The following POLE variants were observed in gnomAD, a reference collection of about 807,000 sequenced individuals.
The protein encoded by POLE is DNA polymerase epsilon catalytic subunit A.
In POLE, 188 loss-of-function variants were observed where a neutral mutation model predicts 279.2. The ratio of observed to expected loss-of-function variants is 0.67; its 90% confidence interval spans 0.60 to 0.76. The LOEUF is 0.76. POLE is among the 30% of genes least tolerant of loss of function. The probability of loss-of-function intolerance (pLI) is 0.00; values close to 1 mark genes in which losing one functional copy is unlikely to be tolerated. For synonymous variants in POLE, 1,214 were observed against 1,172.5 expected, an observed-to-expected ratio of 1.04 and a Z score of -0.72; for missense variants, 2,703 against 3,016.7, an observed-to-expected ratio of 0.90 and a Z score of 2.44.
rs1168899671 is a variant in POLE at position 132,657,162 on chromosome 12, G to A, written c.3556C>T (p.Leu1186Phe). Residue 1186 changes from leucine to phenylalanine, a missense_variant, in exon 29 of 49, where the codon CTC becomes TTC. Leu to Phe is a conservative substitution (Grantham distance 22, BLOSUM62 0). Transcript: ENST00000320574. The part of the protein sequence containing the change: ...DVYKQKKISE[L>F]FTLEGRRQVT... ...TGTCTCCTGCCCTCCAGGGTGAAGA[G>A]CTCACTGATCTTCTTCTGCTTGTAG... The A allele has an allele frequency of 1.2e-6, 2 of 1,614,012 alleles. No individual in the cohort carries two copies. The highest frequency in any genetic ancestry group is 1.7e-6 in the Non-Finnish European group (2 of 1,179,994).
At chr12:132,660,456 T>G (rs528488662) in intron 25 of POLE, 1 of 152,496 alleles carries the variant, frequency 6.6e-6, no homozygotes, top group South Asian at 2.1e-4. Flanking sequence ...GGGAAACATA[T>G]GCACCGAGAT....
At position 132,642,683 on chromosome 12, in the gene POLE, T is replaced by C. The variant is rs115873219; in HGVS notation, c.4775A>G (p.Glu1592Gly). The change falls in exon 37 of 49, where the codon GAG (glutamate) becomes GGG (glycine). Residue 1592 changes from glutamate (E) to glycine (G), a missense_variant. Coordinates refer to ENST00000320574, the MANE Select transcript of POLE (RefSeq NM_006231.4). Reference protein sequence around the residue: ...PTLIAVQSSWELKRLASEIPV... With the variant: ...PTLIAVQSSWGLKRLASEIPV... ...AATTTCACTGGCCAGCCTCTTCAGC[T>C]CCCAGCTGGACTGAACAGCGATGAG... The C allele has an allele frequency of 5.0e-6, 8 of 1,613,782 alleles. No homozygotes were observed. The highest frequency in any genetic ancestry group is 6.8e-6 in the Non-Finnish European group (8 of 1,180,022).
rs142508245 is a variant in POLE, at chr12:132,643,252, C to T, written c.4523G>A (p.Arg1508His). The change falls in exon 35 of 49, where the codon CGC becomes CAC. Residue 1508 changes from arginine (R) to histidine (H), a missense_variant. By Grantham distance (29) the Arg-to-His change is conservative (BLOSUM62 0). Transcript: ENST00000320574. ...ALFGIFIPSQ[R>H]RASVFVLDTV... The stretch of plus-strand genomic sequence containing the variant: ...GTCCAGCACAAAGACGGATGCCCTG[C>T]GCTGTGAGGGGATGAAGATCCCGAA... The T allele has an allele frequency of 1.8e-3, 2,874 of 1,613,782 alleles. 3 individuals are homozygous for T. The highest frequency in any genetic ancestry group is 2.2e-3 in the Non-Finnish European group (2,540 of 1,180,004).
rs191789904 is a variant in POLE, at chr12:132,680,329, G to A, written c.286-107C>T. 4 of 1,040,288 alleles carry A rather than the reference G, an allele frequency of 3.8e-6. No individual in the cohort carries two copies. The African/African-American group carries it at 6.3e-5, about 16-fold the overall frequency. 64.4% of individuals were successfully genotyped at this position (1,040,288 alleles called of 1,614,324 possible). ...TATCCCATGAACAGCCTAGGGCCAG[G>A]GTAGCCTTGACCTTGGTAGCATACA... is the stretch of plus-strand genomic sequence containing the variant. On this transcript the variant is annotated intron_variant, in intron 3 of 48. Transcript: ENST00000320574.
At position 132,668,635 on chromosome 12, in the gene POLE, T is replaced by C. The variant is rs1447713785; in HGVS notation, c.2026A>G (p.Met676Val). 1 of 1,609,396 alleles carries C rather than the reference T, an allele frequency of 6.2e-7. No homozygotes were observed. Among genetic ancestry groups the C allele is most frequent in the Non-Finnish European group, 8.5e-7 (1 of 1,176,250 alleles). ...GCCCACCCAGGCGGCCGACACTCACTGAACTCGCCCCTCCACTGCCAGGCC... is the reference window on the plus strand; with the variant it reads ...GCCCACCCAGGCGGCCGACACTCACCGAACTCGCCCCTCCACTGCCAGGCC... ...KMAWQWRGEFMPASRSEYHRI... is the reference protein window; with the variant it reads ...KMAWQWRGEFVPASRSEYHRI... The change falls in exon 18 of 49, where the codon ATG (methionine) becomes GTG (valine). Residue 676 changes from methionine (M) to valine (V), a missense_variant and splice_region_variant. Transcript: ENST00000320574. The surrounding 1 kb of genome is among the most constrained non-coding windows in gnomAD (Gnocchi z 4.0).
chr12:132,632,275 C>CA, intron 45 of POLE, 40 bp downstream of exon 45: 12 of 1,502,210 alleles, frequency 8.0e-6, no homozygotes, highest in Non-Finnish European at 1.1e-5. Flanking sequence ...TACACATGTA[C>CA]GTTAGTGTCC....
chr12:132,651,034 G>T (rs1421191851), intron 29 of POLE: 1 of 152,002 alleles, frequency 6.6e-6, no homozygotes, highest in Non-Finnish European at 1.5e-5. Flanking sequence ...ACCAAGCCCG[G>T]CTAATTTTTT....
At chr12:132,652,257 G>A (rs1055882692) in intron 29 of POLE, among the ~76,000 whole-genome samples, 17 of 148,744 alleles carry the variant, frequency 1.1e-4, no homozygotes, top group African/African-American at 4.0e-4. Context: ...CCTTAAAAAA[G>A]CCCTTCCCAC....
At chr12:132,678,853 T>C (rs1207715677) in intron 6 of POLE, among the ~76,000 whole-genome samples, 1 of 152,224 alleles carries the variant, frequency 6.6e-6, no homozygotes, top group Non-Finnish European at 1.5e-5. Context: ...GGCTCAAGTC[T>C]CTGAGGACTC....
chr12:132,659,773 A>C (rs1593773514), intron 25 of POLE: 7 of 392,016 alleles, frequency 1.8e-5, no homozygotes, highest in South Asian at 9.1e-5. Context: ...ACTCACTAAA[A>C]CCTCCCCTCC....
In POLE at chr12:132,679,477, C is replaced by T. The variant is rs1288344423; in HGVS notation, c.578+20G>A. The T allele has an allele frequency of 3.1e-6, 5 of 1,592,214 alleles. No individual in the cohort carries two copies. The highest frequency in any genetic ancestry group is 4.5e-5 in the East Asian group (2 of 44,272). The stretch of plus-strand genomic sequence containing the variant: ...GTCGTTCTGAACCGCTGATGCTTTG[C>T]TCACAAGACCAAAGTTTACCTGGAA... On this transcript the variant is annotated intron_variant, in intron 6 of 48. Transcript: ENST00000320574.
intron 29 of POLE, 29 bp downstream of exon 29, chr12:132,657,107 C>T: frequency 6.2e-7 from 1 of 1,612,434 alleles, no homozygotes. Flanking sequence ...AGGATCCCGC[C>T]CAGCCCAGCC....
At chr12:132,643,601 T>TG (rs747191331) in intron 33 of POLE, 41 bp from the exon 34 acceptor site, 5 of 1,611,470 alleles carry the variant, frequency 3.1e-6, no homozygotes, top group South Asian at 2.2e-5. Flanking sequence ...GGCTGGATGG[T>TG]GGGGGCTCTG....
chr12:132,672,312 G>T lies in POLE; in HGVS notation c.1697C>A (p.Ala566Asp), dbSNP rs1276389760. 1.9e-6 allele frequency: 3 copies of T among 1,613,928 alleles called. No homozygotes were observed. The African/African-American group carries it at 4.0e-5, about 22-fold the overall frequency. The change falls in exon 16 of 49, where the codon GCC (alanine) becomes GAC (aspartate). Residue 566 changes from alanine to aspartate, a missense_variant. Physicochemically the swap from Ala to Asp is moderately radical, Grantham distance 126. Coordinates refer to ENST00000320574, the MANE Select transcript of POLE (RefSeq NM_006231.4). ...IPCRFRMNPA[A>D]FDFLLQRVEK... Reference sequence around the variant, plus strand: ...AACCCGCTGCAGCAGGAAGTCAAAGGCGGCAGGATTCTAGCACAACAGTGA... The same window carrying T: ...AACCCGCTGCAGCAGGAAGTCAAAGTCGGCAGGATTCTAGCACAACAGTGA...
chr12:132,672,717 G>A lies in POLE; in HGVS notation c.1596C>T (p.His532=), dbSNP rs114978673. 121 of 1,614,162 alleles carry A rather than the reference G, an allele frequency of 7.5e-5. No individual in the cohort carries two copies. Among genetic ancestry groups the A allele is most frequent in the Non-Finnish European group, 9.8e-5 (116 of 1,180,030 alleles). The change falls in exon 15 of 49, where the codon CAC becomes CAT. Residue 532 remains histidine (H), a synonymous_variant. Coordinates refer to ENST00000320574, the MANE Select transcript of POLE (RefSeq NM_006231.4). The part of the protein sequence containing the change: ...QEFNKLTDDG[H]VLDSETYVGG... Reference sequence around the variant, plus strand: ...CGACGTAGGTCTCAGAGTCCAGCACGTGTCCGTCGTCCGTCAGCTTATTGA... The same window carrying A: ...CGACGTAGGTCTCAGAGTCCAGCACATGTCCGTCGTCCGTCAGCTTATTGA...
intron 32 of POLE, among the ~76,000 whole-genome samples, chr12:132,645,785 G>GAC (rs1046016382): frequency 7.6e-5 from 9 of 118,582 alleles, no homozygotes; most frequent in Non-Finnish European, 1.2e-4. Flanking sequence ...AAATTAGACC[G>GAC]ACACACACAC....
At chr12:132,641,177 G>A (rs779724819) in intron 39 of POLE, 123 of 414,854 alleles carry the variant, frequency 3.0e-4, no homozygotes, top group Non-Finnish European at 5.8e-4. Flanking sequence ...AGCAAGCATT[G>A]CCCAGCATGA....
intron 42 of POLE, among the ~76,000 whole-genome samples, chr12:132,635,504 G>T (rs1274293131): frequency 1.3e-5 from 2 of 152,222 alleles, no homozygotes; most frequent in Admixed American, 1.3e-4. Context: ...TGCCCAAGTT[G>T]CCTGGCTCTG....
At chr12:132,624,873 G>T (rs1325589156) in intron 48 of POLE, 32 bp downstream of exon 48, 1 of 1,600,666 alleles carries the variant, frequency 6.2e-7, no homozygotes, top group Non-Finnish European at 8.6e-7. Flanking sequence ...AAGGAGGCCA[G>T]GCTGAGCCGA....
Sources: allele counts gnomAD v4.1 joint callset (sites outside exome capture counted in the v4.1 genomes callset), GRCh38; gene constraint gnomAD v4.1.1; non-coding constraint Gnocchi (gnomAD v3.1); transcripts MANE v1.5; gene names NCBI Gene and HGNC (gene_info 2026-07-23, HGNC 2026-07-21).